The following EHD4 variants were observed in gnomAD, a reference collection of about 807,000 sequenced individuals.
EHD4 encodes the protein EH domain containing 4, also known as EH domain-containing protein 4.
EHD4 carries 37 observed loss-of-function variants against 51.0 expected under a neutral mutation model. That is an observed-to-expected ratio of 0.73 (90% CI 0.56 to 0.95). EHD4 has a LOEUF of 0.95. EHD4 is among the 40% of genes least tolerant of loss of function. The pLI, the probability that EHD4 is intolerant of heterozygous loss-of-function variation, is 0.00. For synonymous variants in EHD4, 297 were observed against 317.3 expected (o/e 0.94, Z 0.68); for missense variants, 632 against 733.1 (o/e 0.86, Z 1.59).
intron 1 of EHD4, among the ~76,000 whole-genome samples, chr15:41,965,199 G>A (rs1007920211): frequency 3.3e-5 from 5 of 152,132 alleles, no homozygotes; most frequent in African/African-American, 1.2e-4. Context: ...CATAAAAACA[G>A]AAACAACCTA....
chr15:41,959,837 G>A (rs968567571), intron 1 of EHD4, among the ~76,000 whole-genome samples: 2 of 151,984 alleles, frequency 1.3e-5, no homozygotes, highest in Admixed American at 6.6e-5. Context: ...GGGCGTGGTG[G>A]TGCGCACCTG....
In EHD4 at chr15:41,909,689, C is replaced by G; in HGVS notation, c.1089+10G>C. On this transcript the variant is annotated intron_variant, in intron 5 of 5. Transcript: ENST00000220325. ...CCTCTGCCCGTGACATTGTAGTGGG[C>G]TCCCAGTACCTGCATAGCCTTGACC... The G allele has an allele frequency of 6.2e-7, 1 of 1,614,026 alleles. No individual in the cohort carries two copies. Among genetic ancestry groups the G allele is most frequent in the East Asian group, 2.2e-5 (1 of 44,878 alleles).
In EHD4 at chr15:41,900,797, C is replaced by G; in HGVS notation, c.1474G>C (p.Asp492His). Residue 492 changes from aspartate (D) to histidine (H), a missense_variant, in exon 6 of 6, where the codon GAC becomes CAC. Coordinates refer to ENST00000220325, the MANE Select transcript of EHD4 (RefSeq NM_139265.4). The surrounding 1 kb of genome is among the most constrained non-coding windows in gnomAD (Gnocchi z 4.8). ...SVLGKIWKLADCDCDGMLDEE... is the reference protein window; with the variant it reads ...SVLGKIWKLAHCDCDGMLDEE... The stretch of plus-strand genomic sequence containing the variant: ...TCAAGCATGCCGTCGCAGTCGCAGT[C>G]GGCCAGCTTCCAGATCTTGCCCAGG... The G allele has an allele frequency of 6.2e-7, 1 of 1,614,172 alleles. No homozygotes were observed. Among genetic ancestry groups the G allele is most frequent in the East Asian group, 2.2e-5 (1 of 44,882 alleles).
Position 41,972,349 on chromosome 15 carries a change from T to G in EHD4, c.146A>C (p.His49Pro). ...GTCGGCGTCCTCCAGCGCAGGCGAG[T>G]GGAACTCGTGGAAGCGGTACGCCTC... ...LEEAYRFHEF[H>P]SPALEDADFE... Residue 49 changes from histidine to proline, a missense_variant, in exon 1 of 6, where the codon CAC becomes CCC. Coordinates refer to ENST00000220325, the MANE Select transcript of EHD4 (RefSeq NM_139265.4). 1 of 1,611,026 alleles carries G rather than the reference T, an allele frequency of 6.2e-7. No homozygotes were observed. Among genetic ancestry groups the G allele is most frequent in the Non-Finnish European group, 8.5e-7 (1 of 1,178,748 alleles).
rs1472033998 is a variant in EHD4 at position 41,899,765 on chromosome 15, C to G, written c.*880G>C. Reference sequence around the variant, plus strand: ...AAACGATCACTGCAGAGAACCACCTCTTTTCTTTACTGTAGTTTAAGTATG... The same window carrying G: ...AAACGATCACTGCAGAGAACCACCTGTTTTCTTTACTGTAGTTTAAGTATG... On this transcript the variant is annotated 3_prime_UTR_variant, in exon 6 of 6. Transcript: ENST00000220325. 1.3e-5 allele frequency: 2 copies of G among 152,218 alleles called. No individual in the cohort carries two copies. Among genetic ancestry groups the G allele is most frequent in the Non-Finnish European group, 2.9e-5 (2 of 68,042 alleles). 9.4% of individuals were successfully genotyped at this position (152,218 alleles called of 1,614,324 possible). A position where few individuals can be genotyped will look rare whatever the true frequency, so the allele number is the denominator to read the frequency against.
intron 3 of EHD4, among the ~76,000 whole-genome samples, chr15:41,920,584 A>C (rs1218995321): frequency 6.6e-6 from 1 of 152,266 alleles, no homozygotes; most frequent in Non-Finnish European, 1.5e-5. Context: ...ACTTTCAAAC[A>C]TACATAAACA....
At chr15:41,970,438 A>C (rs550664906) in intron 1 of EHD4, among the ~76,000 whole-genome samples, 1 of 152,352 alleles carries the variant, frequency 6.6e-6, no homozygotes, top group Admixed American at 6.5e-5. Context: ...AAATCTCAGA[A>C]CCCTTCATAA....
chr15:41,942,997 A>C, intron 3 of EHD4, 70 bp downstream of exon 3: 1 of 1,386,040 alleles, frequency 7.2e-7, no homozygotes, highest in South Asian at 1.2e-5. Flanking sequence ...ATAGGGACAG[A>C]AATCCTCTGC....
At chr15:41,928,481 T>C (rs773159107) in intron 3 of EHD4, 2 of 152,240 alleles carry the variant, frequency 1.3e-5, no homozygotes, top group Middle Eastern at 3.2e-3. Context: ...CTGCACCATA[T>C]GTGTACCAGG....
chr15:41,942,268 A>T (rs1319658200), intron 3 of EHD4: 1 of 137,050 alleles, frequency 7.3e-6, no homozygotes, highest in Non-Finnish European at 1.6e-5. Flanking sequence ...TTTTTTTGAG[A>T]CGGAGTTTCG....
At chr15:41,942,909 T>C in intron 3 of EHD4, 158 bp downstream of exon 3, 1 of 609,824 alleles carries the variant, frequency 1.6e-6, no homozygotes, top group Non-Finnish European at 2.9e-6. Context: ...GCAGAGTCTT[T>C]GATGCTATGA....
At chr15:41,959,741 A>T (rs535170288) in intron 1 of EHD4, among the ~76,000 whole-genome samples, 1 of 152,094 alleles carries the variant, frequency 6.6e-6, no homozygotes, top group South Asian at 2.1e-4. Flanking sequence ...GCTGAGGTGG[A>T]TGGATCATGT....
intron 4 of EHD4, 42 bp downstream of exon 4, chr15:41,919,168 G>C: frequency 6.2e-7 from 1 of 1,610,514 alleles, no homozygotes; most frequent in South Asian, 1.1e-5. Context: ...AGACAGCAGA[G>C]TCCCAGCCCC....
chr15:41,962,117 C>G (rs951910974), intron 1 of EHD4, among the ~76,000 whole-genome samples: 5 of 152,180 alleles, frequency 3.3e-5, no homozygotes, highest in African/African-American at 1.2e-4. Context: ...AATCACTTTT[C>G]CAAGAAGGTC....
chr15:41,953,853 A>G lies in EHD4; in HGVS notation c.324T>C (p.Thr108=), dbSNP rs2141004938. Reference sequence around the variant, plus strand: ...AAGCATTCCCTGGGGTGCTGCCCTCAGTCTCTCCATACATCACGGCGATGA... The same window carrying G: ...AAGCATTCCCTGGGGTGCTGCCCTCGGTCTCTCCATACATCACGGCGATGA... ...DSFIAVMYGE[T]EGSTPGNALV... is the part of the protein sequence containing the mutation. The change falls in exon 2 of 6, where the codon ACT becomes ACC. Residue 108 remains threonine (T), a synonymous_variant. Transcript: ENST00000220325. The G allele has an allele frequency of 1.2e-6, 2 of 1,614,046 alleles. No individual in the cohort carries two copies. Among genetic ancestry groups the G allele is most frequent in the Non-Finnish European group, 1.7e-6 (2 of 1,180,000 alleles).
chr15:41,943,202 G>C (rs774402426), intron 2 of EHD4, 38 bp from the exon 3 acceptor site: 2 of 1,509,472 alleles, frequency 1.3e-6, no homozygotes, highest in Admixed American at 3.9e-5. Context: ...CAGAAACTGG[G>C]CATCACAGAG....
chr15:41,905,710 G>A (rs760629736), intron 5 of EHD4, among the ~76,000 whole-genome samples: 3 of 152,094 alleles, frequency 2.0e-5, no homozygotes, highest in Non-Finnish European at 4.4e-5. Flanking sequence ...CTCCTCTGTC[G>A]CCCAGGCTGG....
Position 41,959,120 on chromosome 15 carries a change from T to C in EHD4, c.237-5180A>G, listed in dbSNP as rs376027028. ...AGAAATGGTTTGTGTGGGCTGGGCGTGGTGGCTCACGCCTGTAATCCCAGC... is the reference window on the plus strand; with the variant it reads ...AGAAATGGTTTGTGTGGGCTGGGCGCGGTGGCTCACGCCTGTAATCCCAGC... On this transcript the variant is annotated intron_variant, in intron 1 of 5. Coordinates refer to ENST00000220325, the MANE Select transcript of EHD4 (RefSeq NM_139265.4). Among the ~76,000 whole-genome samples, 29 of 152,160 alleles carry C rather than the reference T, an allele frequency of 1.9e-4. 1 individual carries two copies. The South Asian group carries it at 5.2e-3, about 27-fold the overall frequency.
intron 1 of EHD4, among the ~76,000 whole-genome samples, chr15:41,967,672 G>C (rs189997701): frequency 6.6e-6 from 1 of 152,308 alleles, no homozygotes; most frequent in African/African-American, 2.4e-5. Flanking sequence ...CTGCCTATTA[G>C]TGAATGCCTT....
Sources: allele counts gnomAD v4.1 joint callset (sites outside exome capture counted in the v4.1 genomes callset), GRCh38; gene constraint gnomAD v4.1.1; non-coding constraint Gnocchi (gnomAD v3.1); transcripts MANE v1.5; gene names NCBI Gene and HGNC (gene_info 2026-07-23, HGNC 2026-07-21).